Variants in ADORA2B observed in about 807,000 individuals in gnomAD.
ADORA2B encodes the protein adenosine A2b receptor, also known as adenosine receptor A2b.
ADORA2B carries 18 observed loss-of-function variants against 20.8 expected under a neutral mutation model. That is an observed-to-expected ratio of 0.87 (90% CI 0.60 to 1.29). The LOEUF (loss-of-function observed/expected upper bound fraction) is 1.29, where lower values mean the gene tolerates loss of function less well. Among genes scored for constraint, ADORA2B ranks in the 50% most tolerant of loss-of-function variants. ADORA2B has a pLI of 0.00. For missense variants in ADORA2B, 441 were observed against 422.7 expected (o/e 1.04, Z -0.38); for synonymous variants, 179 against 178.3 (o/e 1.00, Z -0.03).
intron 1 of ADORA2B, among the ~76,000 whole-genome samples, chr17:15,967,729 G>C (rs1364476379): frequency 6.6e-6 from 1 of 152,202 alleles, no homozygotes; most frequent in Non-Finnish European, 1.5e-5. Flanking sequence ...GTGTGAGAAA[G>C]AGCGAGGCGT....
At chr17:15,878,612 G>A in the ADORA2B span, among the ~76,000 whole-genome samples, 3 of 151,850 alleles carry the variant, frequency 2.0e-5, no homozygotes, top group East Asian at 3.9e-4. Flanking sequence ...TACTTTTTTG[G>A]GTTTATTGCA....
Position 15,963,604 on chromosome 17 carries a change from G to T in ADORA2B, c.336-11075G>T, listed in dbSNP as rs75096300. On this transcript the variant is annotated intron_variant, in intron 1 of 1. Coordinates refer to ENST00000304222, the MANE Select transcript of ADORA2B (RefSeq NM_000676.4). ...TTTATGGGAAGGAGATCAGAGTCTGGAGCCCAGTAGCTTTGGGCTGTCTCT... is the reference window on the plus strand; with the variant it reads ...TTTATGGGAAGGAGATCAGAGTCTGTAGCCCAGTAGCTTTGGGCTGTCTCT... Among the ~76,000 whole-genome samples the T allele has an allele frequency of 3.7e-3, 566 of 152,246 alleles. 5 individuals carry two copies. Among genetic ancestry groups the T allele is most frequent in the Non-Finnish European group, 6.2e-3 (420 of 68,020 alleles).
At chr17:15,935,353 G>C in the ADORA2B span, among the ~76,000 whole-genome samples, 1 of 151,806 alleles carries the variant, frequency 6.6e-6, no homozygotes, top group African/African-American at 2.4e-5. Flanking sequence ...TTTTCTTTCA[G>C]AGCTTTTACT....
the ADORA2B span, among the ~76,000 whole-genome samples, chr17:15,878,941 T>C: frequency 2.0e-5 from 3 of 152,256 alleles, no homozygotes; most frequent in Admixed American, 1.3e-4. Flanking sequence ...TCCAATTTGG[T>C]TATGGTGTAT....
At chr17:15,861,117 GA>G in the ADORA2B span, 1 of 152,254 alleles carries the variant, frequency 6.6e-6, no homozygotes, top group Non-Finnish European at 1.5e-5. Context: ...CTTGCTGCAT[GA>G]AAATAATTAA....
At position 15,975,646 on chromosome 17, in the gene ADORA2B, C is replaced by G; in HGVS notation, c.*304C>G. On this transcript the variant is annotated 3_prime_UTR_variant, in exon 2 of 2. Coordinates refer to ENST00000304222, the MANE Select transcript of ADORA2B (RefSeq NM_000676.4). ...CTGCCTTGTTTATGGTGGAAAATTACTGAAACTATTTTACTGTGAAACAGT... is the reference window on the plus strand; with the variant it reads ...CTGCCTTGTTTATGGTGGAAAATTAGTGAAACTATTTTACTGTGAAACAGT... The G allele has an allele frequency of 2.8e-6, 1 of 360,356 alleles. No homozygotes were observed. Among genetic ancestry groups the G allele is most frequent in the Non-Finnish European group, 5.0e-6 (1 of 198,382 alleles). The allele number at this position is 360,356 out of a possible 1,614,324, so 22.3% of individuals were successfully genotyped here.
the ADORA2B span, among the ~76,000 whole-genome samples, chr17:15,910,340 C>T: frequency 6.6e-6 from 1 of 151,994 alleles, no homozygotes; most frequent in Non-Finnish European, 1.5e-5. Flanking sequence ...CTGTTTCACC[C>T]AGGCTGGAGT....
At chr17:15,868,894 GAAGGGCTTAAGT>G in the ADORA2B span, among the ~76,000 whole-genome samples, 1 of 151,148 alleles carries the variant, frequency 6.6e-6, no homozygotes, top group Admixed American at 6.6e-5. Context: ...AATATAGTTT[GAAGGGCTTAAGT>G]AGAGGGATGA....
the ADORA2B span, among the ~76,000 whole-genome samples, chr17:15,885,657 T>A: frequency 6.7e-6 from 1 of 149,998 alleles, no homozygotes; most frequent in Non-Finnish European, 1.5e-5. Flanking sequence ...GAGGTTGCAG[T>A]GAGCCGAGAT....
chr17:15,955,958 G>T (rs1040129366), intron 1 of ADORA2B, among the ~76,000 whole-genome samples: 11 of 152,036 alleles, frequency 7.2e-5, no homozygotes, highest in Non-Finnish European at 1.5e-4. Flanking sequence ...GACCTCAAGC[G>T]ATCTGCCTGC....
chr17:15,941,279 C>T (rs1429212979), upstream of ADORA2B, among the ~76,000 whole-genome samples: 1 of 152,162 alleles, frequency 6.6e-6, no homozygotes. Flanking sequence ...TAGCCTGACC[C>T]TGTGAAGTAG....
the ADORA2B span, among the ~76,000 whole-genome samples, chr17:15,851,994 A>ATAC: frequency 6.6e-6 from 1 of 152,238 alleles, no homozygotes; most frequent in Admixed American, 6.5e-5. Context: ...TCCTTCAGTA[A>ATAC]GGTTGAGCAC....
At chr17:15,854,927 T>G in the ADORA2B span, among the ~76,000 whole-genome samples, 13 of 59,902 alleles carry the variant, frequency 2.2e-4, no homozygotes, top group African/African-American at 1.9e-3. Flanking sequence ...GATTTAACTC[T>G]TTTTTTTTTT....
chr17:15,923,409 T>A, the ADORA2B span, among the ~76,000 whole-genome samples: 5,670 of 105,728 alleles, frequency 0.054, 116 homozygotes, highest in Non-Finnish European at 0.074. Context: ...ATATATATAT[T>A]TTTTTTTTCT....
chr17:15,961,342 G>A (rs1043778055), intron 1 of ADORA2B, among the ~76,000 whole-genome samples: 4 of 151,982 alleles, frequency 2.6e-5, no homozygotes, highest in African/African-American at 9.7e-5. Flanking sequence ...CTCAATTTGA[G>A]TTTGGTTGTT....
the ADORA2B span, among the ~76,000 whole-genome samples, chr17:15,920,838 A>G: frequency 3.3e-5 from 5 of 152,160 alleles, no homozygotes; most frequent in African/African-American, 4.8e-5. Flanking sequence ...CATCCCTTGG[A>G]GGCTGCGAGC....
chr17:15,864,342 T>C, the ADORA2B span, among the ~76,000 whole-genome samples: 1 of 152,250 alleles, frequency 6.6e-6, no homozygotes, highest in Admixed American at 6.5e-5. Flanking sequence ...CATATGGGTG[T>C]ATGCAGAGCT....
At chr17:15,889,218 G>C in the ADORA2B span, among the ~76,000 whole-genome samples, 2 of 128,236 alleles carry the variant, frequency 1.6e-5, 1 homozygote, top group Non-Finnish European at 3.3e-5. Flanking sequence ...TGTGTAATTT[G>C]TAAAAGTAAT....
intron 1 of ADORA2B, among the ~76,000 whole-genome samples, chr17:15,948,697 C>G (rs1457080957): frequency 6.6e-6 from 1 of 152,174 alleles, no homozygotes; most frequent in Admixed American, 6.6e-5. Flanking sequence ...GAGGGTGGAT[C>G]CGGGAGGGTT....
Sources: gnomAD v4.1 joint callset for allele counts (sites outside exome capture counted in the v4.1 genomes callset) on GRCh38, gnomAD v4.1.1 for gene constraint, MANE v1.5 for transcripts, NCBI Gene and HGNC (gene_info 2026-07-23, HGNC 2026-07-21) for gene names.